The following FBN2 variants were observed in gnomAD, a reference collection of about 807,000 sequenced individuals.
The protein encoded by FBN2 is fibrillin 2, also known as fibrillin-2.
FBN2 carries 105 observed loss-of-function variants against 355.6 expected under a neutral mutation model. That is an observed-to-expected ratio of 0.30 (90% CI 0.25 to 0.35). FBN2 has a LOEUF of 0.35. FBN2 is among the 10% of genes least tolerant of loss of function. The pLI, the probability that FBN2 is intolerant of heterozygous loss-of-function variation, is 1.00. For missense variants in FBN2, 3,280 were observed against 3,758.7 expected, an observed-to-expected ratio of 0.87 and a Z score of 3.33; for synonymous variants, 1,350 against 1,301.2, an observed-to-expected ratio of 1.04 and a Z score of -0.81.
rs1204171410 is a variant in FBN2 at position 128,369,211 on chromosome 5, G to T, written c.2219C>A (p.Pro740His). ...ATTTTTTGCAGGGCATGGCTGGCAG[G>T]GTTCTCCAAAACCATAGTCTGGATT... ...CANPDYGFGE[P>H]CQPCPAKNSA... Residue 740 changes from proline to histidine, a missense_variant, in exon 16 of 65, where the codon CCC (proline) becomes CAC (histidine). Physicochemically the swap from Pro to His is moderately conservative, Grantham distance 77 (BLOSUM62 -2). Coordinates refer to ENST00000262464, the MANE Select transcript of FBN2 (RefSeq NM_001999.4). 1 of 1,614,124 alleles carries T rather than the reference G, an allele frequency of 6.2e-7. No homozygotes were observed. Among genetic ancestry groups the T allele is most frequent in the Non-Finnish European group, 8.5e-7 (1 of 1,180,026 alleles).
At chr5:128,354,331 G>C (rs983004809) in intron 20 of FBN2, among the ~76,000 whole-genome samples, 8 of 152,184 alleles carry the variant, frequency 5.3e-5, no homozygotes, top group African/African-American at 1.7e-4. Flanking sequence ...TCAGGCTGAG[G>C]GGGTGGGAGG....
intron 55 of FBN2, among the ~76,000 whole-genome samples, chr5:128,281,647 T>C (rs890152653): frequency 2.6e-5 from 4 of 152,136 alleles, no homozygotes; most frequent in Non-Finnish European, 5.9e-5. Flanking sequence ...TCCACTTTAA[T>C]TAATTTAAAA....
intron 5 of FBN2, among the ~76,000 whole-genome samples, chr5:128,479,968 CTCTCTCTCTATATATATATATATATATA>C (rs1446118268): frequency 3.4e-3 from 98 of 29,222 alleles, no homozygotes; most frequent in Admixed American, 0.013. Context: ...CTCTCTCTCT[CTCTCTCTCTATATATATATATATATATA>C]TATATATATA....
At chr5:128,347,542 G>A (rs1047279463) in intron 23 of FBN2, among the ~76,000 whole-genome samples, 3 of 152,130 alleles carry the variant, frequency 2.0e-5, no homozygotes, top group South Asian at 4.1e-4. Flanking sequence ...TATGTTACAT[G>A]CTTGGCTCCT....
chr5:128,327,572 ATT>A (rs61333538), intron 34 of FBN2, among the ~76,000 whole-genome samples: 2 of 138,212 alleles, frequency 1.4e-5, no homozygotes, highest in Admixed American at 7.1e-5. Context: ...GCAGTTAGGT[ATT>A]TTTTTTTTTT....
At chr5:128,459,942 T>C (rs912378235) in intron 6 of FBN2, among the ~76,000 whole-genome samples, 2 of 152,110 alleles carry the variant, frequency 1.3e-5, no homozygotes, top group African/African-American at 4.8e-5. Context: ...CTATTCAACA[T>C]AGTATTGGAA....
chr5:128,328,533 A>G (rs934281310), intron 34 of FBN2, 163 bp downstream of exon 34: 14 of 777,750 alleles, frequency 1.8e-5, no homozygotes, highest in African/African-American at 1.7e-4. Context: ...CGCCATCATC[A>G]TTATTCATTC....
chr5:128,442,544 C>A (rs1418466971), intron 7 of FBN2, among the ~76,000 whole-genome samples: 1 of 152,176 alleles, frequency 6.6e-6, no homozygotes, highest in African/African-American at 2.4e-5. Flanking sequence ...ACAACCTTCT[C>A]TTTGCATGTG....
At position 128,289,088 on chromosome 5, in the gene FBN2, T is replaced by G. The variant is rs17608435; in HGVS notation, c.6637+39A>C. 7 of 1,610,708 alleles carry G rather than the reference T, an allele frequency of 4.3e-6. No homozygotes were observed. In the East Asian group the frequency reaches 1.6e-4, roughly 36 times the overall value. ...CTTTTACTGAATATGAGAAGTAAAA[T>G]AGAACTTTAAAATTCTGTAATGTGG... On this transcript the variant is annotated intron_variant, in intron 52 of 64. Coordinates refer to ENST00000262464, the MANE Select transcript of FBN2 (RefSeq NM_001999.4).
Position 128,338,959 on chromosome 5 carries a change from C to G in FBN2, c.3446G>C (p.Gly1149Ala). Reference protein sequence around the residue: ...ECECFEGYESGFMMMKNCMDI... With the variant: ...ECECFEGYESAFMMMKNCMDI... ...CATGCAGTTCTTCATCATCATGAAG[C>G]CACTTTCATAGCCTTCGAAGCACTC... The change falls in exon 26 of 65, where the codon GGC (glycine) becomes GCC (alanine). Residue 1149 changes from glycine to alanine, a missense_variant. Physicochemically the swap from Gly to Ala is moderately conservative, Grantham distance 60. Transcript: ENST00000262464. 1 of 1,614,060 alleles carries G rather than the reference C, an allele frequency of 6.2e-7. No individual in the cohort carries two copies. Among genetic ancestry groups the G allele is most frequent in the Non-Finnish European group, 8.5e-7 (1 of 1,179,934 alleles).
rs1751608134 is a variant in FBN2 at position 128,360,346 on chromosome 5, T to G, written c.2554+1377A>C. Among the ~76,000 whole-genome samples the G allele has an allele frequency of 2.6e-5, 4 of 152,090 alleles. No homozygotes were observed. In the South Asian group the frequency reaches 8.3e-4, roughly 31 times the overall value. On this transcript the variant is annotated intron_variant, in intron 19 of 64. Coordinates refer to ENST00000262464, the MANE Select transcript of FBN2 (RefSeq NM_001999.4). The stretch of plus-strand genomic sequence containing the variant: ...TTGAATACATTTGAGAAGCCAGAGC[T>G]GGCTTAAAAAGAGGACTCTCATAAC...
At chr5:128,374,189 A>AT (rs1752022127) in intron 15 of FBN2, among the ~76,000 whole-genome samples, 1 of 152,168 alleles carries the variant, frequency 6.6e-6, no homozygotes, top group Non-Finnish European at 1.5e-5. Flanking sequence ...GTTCCTGTCC[A>AT]TTAAAAAATA....
At chr5:128,311,697 T>C (rs1164353156) in intron 38 of FBN2, among the ~76,000 whole-genome samples, 188 bp downstream of exon 38, 1 of 152,136 alleles carries the variant, frequency 6.6e-6, no homozygotes, top group Non-Finnish European at 1.5e-5. Flanking sequence ...CAGTCAGACG[T>C]CAAATCACTG....
At chr5:128,444,604 G>A (rs551387163) in intron 7 of FBN2, among the ~76,000 whole-genome samples, 3 of 152,308 alleles carry the variant, frequency 2.0e-5, no homozygotes, top group African/African-American at 7.2e-5. Flanking sequence ...TGCCTGGGCA[G>A]GAAGCAAAGA....
chr5:128,300,912 G>T lies in FBN2; in HGVS notation c.6071C>A (p.Pro2024His), dbSNP rs770511473. 1.2e-6 allele frequency: 2 copies of T among 1,613,722 alleles called. No individual in the cohort carries two copies. The highest frequency in any genetic ancestry group is 1.3e-5 in the African/African-American group (1 of 75,024). The change falls in exon 48 of 65, where the codon CCC becomes CAC. Residue 2024 changes from proline to histidine, a missense_variant. Physicochemically the swap from Pro to His is moderately conservative, Grantham distance 77. This residue lies in a region of FBN2 where 2,284 missense variants were observed against 2,749.5 expected (regional missense o/e 0.83). Transcript: ENST00000262464. ...ACAGGTACCAGGAGAGCAAGAGCCG[G>T]GAAGGGCGACACACTCATTAGTGTC... ...CIDTNECVAL[P>H]GSCSPGTCQN...
intron 5 of FBN2, among the ~76,000 whole-genome samples, chr5:128,467,491 T>A (rs1754743423): frequency 6.6e-6 from 1 of 152,134 alleles, no homozygotes; most frequent in South Asian, 2.1e-4. Context: ...AATTTAAATT[T>A]CCTGATAGGG....
chr5:128,484,241 AC>A (rs1755273242), intron 5 of FBN2, among the ~76,000 whole-genome samples: 1 of 152,198 alleles, frequency 6.6e-6, no homozygotes, highest in Non-Finnish European at 1.5e-5. Context: ...TATTATTTTC[AC>A]GTACTTAGAA....
intron 7 of FBN2, among the ~76,000 whole-genome samples, chr5:128,430,972 G>A (rs865925176): frequency 2.0e-5 from 3 of 152,326 alleles, no homozygotes; most frequent in Middle Eastern, 3.4e-3. Context: ...TAGTGTACAG[G>A]TAGACAAACT....
At chr5:128,338,891 A>G in intron 26 of FBN2, 42 bp downstream of exon 26, 1 of 1,608,090 alleles carries the variant, frequency 6.2e-7, no homozygotes, top group Non-Finnish European at 8.5e-7. Flanking sequence ...AGTCTGTGCT[A>G]GTATGGTTTC....
Sources: gnomAD v4.1 joint callset for allele counts (sites outside exome capture counted in the v4.1 genomes callset) on GRCh38, gnomAD v4.1.1 for gene constraint, gnomAD v4.1.1 regional missense constraint, MANE v1.5 for transcripts, NCBI Gene and HGNC (gene_info 2026-07-23, HGNC 2026-07-21) for gene names.